Variants in ZNF99 observed in about 807,000 individuals in gnomAD.
ZNF99 encodes the protein zinc finger protein ENSP00000375192.
In ZNF99, 8 loss-of-function variants were observed where a neutral mutation model predicts 12.8. The observed-to-expected ratio is 0.62, with a 90% confidence interval of 0.37 to 1.13. The LOEUF (loss-of-function observed/expected upper bound fraction) is 1.13, where lower values mean the gene tolerates loss of function less well. ZNF99 is among the 50% of genes most tolerant of loss of function. The pLI, the probability that ZNF99 is intolerant of heterozygous loss-of-function variation, is 0.02. For synonymous variants in ZNF99, 318 were observed against 319.0 expected, an observed-to-expected ratio of 1.00 and a Z score of 0.03; for missense variants, 1,007 against 1,006.2, an observed-to-expected ratio of 1.00 and a Z score of -0.01.
At chr19:22,782,391 T>C (rs1373355613) in intron 1 of ZNF99, among the ~76,000 whole-genome samples, 1 of 152,080 alleles carries the variant, frequency 6.6e-6, no homozygotes, top group Non-Finnish European at 1.5e-5. Context: ...GTTTCGGTCT[T>C]GTTGCCCAGA....
At chr19:22,769,375 G>A in intron 1 of ZNF99, 51 bp from the exon 2 acceptor site, 1 of 1,559,932 alleles carries the variant, frequency 6.4e-7, no homozygotes, top group Non-Finnish European at 8.6e-7. Context: ...GCCATGGACA[G>A]AATTTTTAAT....
intron 3 of ZNF99, among the ~76,000 whole-genome samples, chr19:22,761,821 C>CT (rs1973153713): frequency 6.6e-6 from 1 of 152,046 alleles, no homozygotes; most frequent in Non-Finnish European, 1.5e-5. Flanking sequence ...AAGTGGAATT[C>CT]AACTACAAAA....
intron 3 of ZNF99, among the ~76,000 whole-genome samples, chr19:22,762,353 T>C (rs1447091395): frequency 2.6e-5 from 4 of 152,138 alleles, no homozygotes; most frequent in African/African-American, 9.7e-5. Flanking sequence ...AAGGCTACTA[T>C]GAACACCTTT....
intron 1 of ZNF99, among the ~76,000 whole-genome samples, chr19:22,774,672 C>A (rs1401207927): frequency 6.6e-6 from 1 of 152,086 alleles, no homozygotes; most frequent in African/African-American, 2.4e-5. Flanking sequence ...GAGTTGGAGA[C>A]CAGCCTGGCC....
At chr19:22,764,711 G>A (rs1198838541) in intron 3 of ZNF99, among the ~76,000 whole-genome samples, 1 of 151,732 alleles carries the variant, frequency 6.6e-6, no homozygotes, top group Non-Finnish European at 1.5e-5. Flanking sequence ...TATACAAATG[G>A]CCAAGAAACA....
intron 3 of ZNF99, among the ~76,000 whole-genome samples, chr19:22,761,389 CAA>C (rs1203062943): frequency 6.6e-6 from 1 of 151,928 alleles, no homozygotes; most frequent in East Asian, 1.9e-4. Context: ...TTTAAAAAAA[CAA>C]AGAGGGACAT....
intron 2 of ZNF99, 34 bp from the exon 3 acceptor site, chr19:22,768,434 C>T (rs1568385856): frequency 6.5e-7 from 1 of 1,545,026 alleles, no homozygotes; most frequent in Non-Finnish European, 8.8e-7. Context: ...ATAAATATTG[C>T]TCATATTCCC....
In ZNF99 at chr19:22,758,853, C is replaced by G. The variant is rs764537051; in HGVS notation, c.1056G>C (p.Gln352His). Residue 352 changes from glutamine to histidine, a missense_variant, in exon 4 of 4, where the codon CAG becomes CAC. Gln to His is a conservative substitution (Grantham distance 24, BLOSUM62 0). Transcript: ENST00000596209. ...KCEECGKAFS[Q>H]SSTLRKHEII... ...TCTCATGTTTTCTAAGGGTTGAGGACTGGCTAAAAGCTTTGCCACATTCTT... is the reference window on the plus strand; with the variant it reads ...TCTCATGTTTTCTAAGGGTTGAGGAGTGGCTAAAAGCTTTGCCACATTCTT... 6.2e-7 allele frequency: 1 copy of G among 1,612,140 alleles called. No individual in the cohort carries two copies. The highest frequency in any genetic ancestry group is 8.5e-7 in the Non-Finnish European group (1 of 1,179,412).
chr19:22,752,301 T>A lies in ZNF99; in HGVS notation c.*5013A>T, dbSNP rs933702029. The A allele has an allele frequency of 4.6e-5, 7 of 151,228 alleles. No homozygotes were observed. The highest frequency in any genetic ancestry group is 8.9e-5 in the Non-Finnish European group (6 of 67,746). The allele number at this position is 151,228 out of a possible 1,614,324, so 9.4% of individuals were successfully genotyped here. Reference sequence around the variant, plus strand: ...TTTCAAAGTGACTAAAAGTGTAGATTTGGATTGCTTGTAATTCAAGGAATA... The same window carrying A: ...TTTCAAAGTGACTAAAAGTGTAGATATGGATTGCTTGTAATTCAAGGAATA... On this transcript the variant is annotated 3_prime_UTR_variant, in exon 4 of 4. Transcript: ENST00000596209.
chr19:22,775,106 C>T (rs1040137418), intron 1 of ZNF99, among the ~76,000 whole-genome samples: 1 of 151,986 alleles, frequency 6.6e-6, no homozygotes, highest in African/African-American at 2.4e-5. Context: ...GTAGCCAAGG[C>T]AATCCTAAGC....
At chr19:22,766,949 C>A (rs1430908510) in intron 3 of ZNF99, among the ~76,000 whole-genome samples, 1 of 151,942 alleles carries the variant, frequency 6.6e-6, no homozygotes, top group African/African-American at 2.4e-5. Flanking sequence ...CCATGCCTGG[C>A]GTAACTTTCT....
At chr19:22,781,394 T>C (rs1233859947) in intron 1 of ZNF99, among the ~76,000 whole-genome samples, 1 of 140,386 alleles carries the variant, frequency 7.1e-6, no homozygotes, top group Non-Finnish European at 1.5e-5. Flanking sequence ...CACCATCTCA[T>C]TGGGGTCACT....
chr19:22,753,800 G>T lies in ZNF99; in HGVS notation c.*3514C>A. The T allele has an allele frequency of 4.5e-6, 1 of 223,010 alleles. No individual in the cohort carries two copies. Among genetic ancestry groups the T allele is most frequent in the Non-Finnish European group, 9.2e-6 (1 of 109,028 alleles). The allele number at this position is 223,010 out of a possible 1,614,324, so 13.8% of individuals were successfully genotyped here. On this transcript the variant is annotated 3_prime_UTR_variant, in exon 4 of 4. Transcript: ENST00000596209. ...TTCATAGGTGTACATTTTTTTTCAA[G>T]TATAAATGCTTTCCTATGCGATAAG...
intron 3 of ZNF99, among the ~76,000 whole-genome samples, chr19:22,760,094 T>A (rs961287413): frequency 5.9e-5 from 9 of 152,132 alleles, no homozygotes; most frequent in African/African-American, 2.2e-4. Flanking sequence ...GATCAAGGGT[T>A]CAAGACCAGC....
In ZNF99 at chr19:22,757,172, G is replaced by A. The variant is rs780604672; in HGVS notation, c.*142C>T. 20 of 1,612,030 alleles carry A rather than the reference G, an allele frequency of 1.2e-5. No homozygotes were observed. In the Admixed American group the frequency reaches 3.2e-4, roughly 26 times the overall value. The stretch of plus-strand genomic sequence containing the variant: ...TGCTTTATGTCTAGTAAGGTGTGAG[G>A]ACTGCTTAAAAGCTTTGCCACATTC... On this transcript the variant is annotated 3_prime_UTR_variant, in exon 4 of 4. Transcript: ENST00000596209.
chr19:22,757,415 G>T lies in ZNF99; in HGVS notation c.2494C>A (p.Leu832Ile), dbSNP rs751427381. The T allele has an allele frequency of 1.9e-6, 3 of 1,607,856 alleles. No individual in the cohort carries two copies. Among genetic ancestry groups the T allele is most frequent in the Non-Finnish European group, 2.5e-6 (3 of 1,178,648 alleles). Residue 832 changes from leucine (L) to isoleucine (I), a missense_variant, in exon 4 of 4, where the codon CTT becomes ATT. Coordinates refer to ENST00000596209, the MANE Select transcript of ZNF99 (RefSeq NM_001080409.3). ...ATATGAATTACCTTATGTAAAGTAAGTTTTGAGGACCACTGAAAAGCTTTA... is the reference window on the plus strand; with the variant it reads ...ATATGAATTACCTTATGTAAAGTAATTTTTGAGGACCACTGAAAAGCTTTA... ...CGKAFQWSSKLTLHKVIHMER... is the reference protein window; with the variant it reads ...CGKAFQWSSKITLHKVIHMER...
At chr19:22,770,602 A>G (rs1357221389) in intron 1 of ZNF99, 2 of 152,244 alleles carry the variant, frequency 1.3e-5, no homozygotes, top group East Asian at 3.9e-4. Flanking sequence ...TGATCCACCC[A>G]CCTCGGCCTC....
At chr19:22,780,740 A>T (rs1233830169) in intron 1 of ZNF99, among the ~76,000 whole-genome samples, 1 of 152,130 alleles carries the variant, frequency 6.6e-6, no homozygotes, top group African/African-American at 2.4e-5. Flanking sequence ...ATATGGAAAC[A>T]TTTCTAGAAG....
At chr19:22,778,477 G>A (rs1973352971) in intron 1 of ZNF99, among the ~76,000 whole-genome samples, 1 of 151,862 alleles carries the variant, frequency 6.6e-6, no homozygotes, top group African/African-American at 2.4e-5. Context: ...CCTGATTCAG[G>A]GCTCAGTCTC....
Sources: gnomAD v4.1 joint callset for allele counts (sites outside exome capture counted in the v4.1 genomes callset) on GRCh38, gnomAD v4.1.1 for gene constraint, MANE v1.5 for transcripts, NCBI Gene and HGNC (gene_info 2026-07-23, HGNC 2026-07-21) for gene names.